Variants in MARK3 observed in about 807,000 individuals in gnomAD.
MARK3 encodes MAP/microtubule affinity-regulating kinase 3.
In MARK3, 46 loss-of-function variants were observed where a neutral mutation model predicts 90.1. That is an observed-to-expected ratio of 0.51 (90% confidence interval 0.40 to 0.65). The LOEUF (loss-of-function observed/expected upper bound fraction) is 0.65. MARK3 is among the 30% of genes least tolerant of loss of function. MARK3 has a pLI of 0.00. For missense variants in MARK3, 818 were observed against 947.2 expected, an observed-to-expected ratio of 0.86 and a Z score of 1.79; for synonymous variants, 321 against 332.6, an observed-to-expected ratio of 0.97 and a Z score of 0.38.
At chr14:103,419,044 T>C (rs952032601) in intron 2 of MARK3, among the ~76,000 whole-genome samples, 31 of 152,214 alleles carry the variant, frequency 2.0e-4, no homozygotes, top group African/African-American at 7.2e-4. Flanking sequence ...ATCCCAGCAC[T>C]TTGGGAGGCT....
At chr14:103,443,280 A>G (rs945369089) in intron 3 of MARK3, among the ~76,000 whole-genome samples, 39 of 152,340 alleles carry the variant, frequency 2.6e-4, no homozygotes, top group South Asian at 2.1e-4. Context: ...CTGTGAGTAC[A>G]TACTCTGCCT....
At chr14:103,419,764 T>C (rs1284219185) in intron 2 of MARK3, among the ~76,000 whole-genome samples, 2 of 152,180 alleles carry the variant, frequency 1.3e-5, no homozygotes, top group African/African-American at 4.8e-5. Context: ...TCAAAACAAC[T>C]GTAGTGACTG....
chr14:103,416,095 TAATA>T (rs2091933012), intron 2 of MARK3, among the ~76,000 whole-genome samples: 5 of 152,238 alleles, frequency 3.3e-5, no homozygotes, highest in Admixed American at 2.0e-4. Context: ...TGTCTAAAAT[TAATA>T]GTTGTTTCTT....
At chr14:103,486,969 G>A (rs764869327) in intron 14 of MARK3, among the ~76,000 whole-genome samples, 36 of 151,876 alleles carry the variant, frequency 2.4e-4, no homozygotes, top group Non-Finnish European at 4.4e-4. Context: ...CCAGACTGGA[G>A]TTTAGTGGCA....
rs772340575 is a variant in MARK3 at position 103,405,275 on chromosome 14, C to G, written c.243+8C>G. 1 of 1,507,142 alleles carries G rather than the reference C, an allele frequency of 6.6e-7. No individual in the cohort carries two copies. Among genetic ancestry groups the G allele is most frequent in the African/African-American group, 1.4e-5 (1 of 70,442 alleles). The allele number at this position is 1,507,142 out of a possible 1,614,324, so 93.4% of individuals were successfully genotyped here. On this transcript the variant is annotated splice_region_variant and intron_variant, in intron 2 of 17. Coordinates refer to ENST00000429436, the MANE Select transcript of MARK3 (RefSeq NM_001128918.3). ...ATCCTTACAGGCAGAGAGGTAAATA[C>G]CAGTTATGCTTATTTCTGTTATGAC...
chr14:103,491,177 TTA>T, intron 14 of MARK3: 1 of 1,136,682 alleles, frequency 8.8e-7, no homozygotes, highest in South Asian at 1.6e-5. Flanking sequence ...GCTGTGGATT[TTA>T]TAGTCTGAGA....
At chr14:103,460,139 G>T (rs1418744340) in intron 6 of MARK3, among the ~76,000 whole-genome samples, 2 of 121,554 alleles carry the variant, frequency 1.6e-5, no homozygotes, top group African/African-American at 6.3e-5. Context: ...AGGCTGGAGT[G>T]CAGTGGCGCG....
At chr14:103,484,665 G>T (rs1037350948) in intron 14 of MARK3, among the ~76,000 whole-genome samples, 1 of 152,170 alleles carries the variant, frequency 6.6e-6, no homozygotes, top group African/African-American at 2.4e-5. Flanking sequence ...GGGCGCGGTG[G>T]CTCCCACCTG....
intron 14 of MARK3, among the ~76,000 whole-genome samples, chr14:103,482,886 G>A (rs1401492049): frequency 6.6e-6 from 1 of 152,110 alleles, no homozygotes; most frequent in Non-Finnish European, 1.5e-5. Flanking sequence ...GCTTCTCTTA[G>A]CATCAGTCAT....
At position 103,471,790 on chromosome 14, in the gene MARK3, G is replaced by GA. The variant is rs1044264552; in HGVS notation, c.1265-3193dup. On this transcript the variant is annotated intron_variant, in intron 12 of 17. Coordinates refer to ENST00000429436, the MANE Select transcript of MARK3 (RefSeq NM_001128918.3). The stretch of plus-strand genomic sequence containing the variant: ...GGGGTTAGCTTGTTTTTTAAAAAAT[G>GA]AAAAAAAAAATCACTGTTTACTAAT... Among the ~76,000 whole-genome samples the GA allele has an allele frequency of 8.2e-4, 119 of 145,928 alleles. 2 individuals carry two copies. Among genetic ancestry groups the GA allele is most frequent in the East Asian group, 1.8e-3 (9 of 5,054 alleles).
intron 2 of MARK3, among the ~76,000 whole-genome samples, chr14:103,413,613 A>ATTTAT (rs71126017): frequency 0.28 from 40,978 of 147,582 alleles, 6,773 homozygotes; most frequent in Non-Finnish European, 0.36. Flanking sequence ...TATTTTATTT[A>ATTTAT]TTTATTTTAT....
At chr14:103,466,195 T>C in intron 9 of MARK3, 104 bp downstream of exon 9, 3 of 1,444,188 alleles carry the variant, frequency 2.1e-6, no homozygotes, top group Non-Finnish European at 1.9e-6. Context: ...CTGCGGCTTT[T>C]TAAGCAAGAA....
intron 13 of MARK3, among the ~76,000 whole-genome samples, chr14:103,480,075 C>T (rs1036623504): frequency 2.0e-5 from 3 of 151,952 alleles, no homozygotes; most frequent in Non-Finnish European, 2.9e-5. Context: ...GAGCCGAGAT[C>T]GCACCGCTGC....
chr14:103,453,206 C>G (rs1475119611), intron 5 of MARK3, among the ~76,000 whole-genome samples: 2 of 152,068 alleles, frequency 1.3e-5, no homozygotes, highest in Non-Finnish European at 2.9e-5. Context: ...TGAGATTGGG[C>G]TGGGTTTGTA....
chr14:103,398,952 A>C (rs1362463302), intron 1 of MARK3, among the ~76,000 whole-genome samples: 1 of 152,214 alleles, frequency 6.6e-6, no homozygotes, highest in Non-Finnish European at 1.5e-5. Flanking sequence ...GTTTTACAGA[A>C]GGGATCAAGT....
intron 2 of MARK3, among the ~76,000 whole-genome samples, chr14:103,420,288 G>A (rs1480916849): frequency 6.6e-6 from 1 of 152,032 alleles, no homozygotes; most frequent in African/African-American, 2.4e-5. Context: ...GAGTGCAGTG[G>A]TGCAATCTTG....
chr14:103,402,334 C>G (rs1375363659), intron 1 of MARK3, among the ~76,000 whole-genome samples: 1 of 152,084 alleles, frequency 6.6e-6, no homozygotes, highest in African/African-American at 2.4e-5. Flanking sequence ...GGGTAGATCA[C>G]TTAAGGTCAG....
intron 4 of MARK3, among the ~76,000 whole-genome samples, chr14:103,451,661 C>T (rs1436514149): frequency 6.6e-6 from 1 of 152,148 alleles, no homozygotes; most frequent in African/African-American, 2.4e-5. Context: ...CTCAGGTACA[C>T]CTTGCTGGAC....
chr14:103,466,554 A>G (rs1254338147), intron 10 of MARK3, 112 bp downstream of exon 10: 2 of 662,038 alleles, frequency 3.0e-6, no homozygotes, highest in Non-Finnish European at 5.3e-6. Flanking sequence ...CACAAGTCAT[A>G]TGAACAGTTT....
Sources: allele counts gnomAD v4.1 joint callset (sites outside exome capture counted in the v4.1 genomes callset), GRCh38; gene constraint gnomAD v4.1.1; transcripts MANE v1.5; gene names NCBI Gene and HGNC (gene_info 2026-07-23, HGNC 2026-07-21).